BATF3: variants seen among roughly 807,000 people sequenced by gnomAD.
BATF3 encodes basic leucine zipper ATF-like transcription factor 3.
BATF3 carries 8 observed loss-of-function variants against 16.1 expected under a neutral mutation model. That is an observed-to-expected ratio of 0.50 (90% CI 0.29 to 0.90). BATF3 has a LOEUF of 0.90. BATF3 is among the 40% of genes least tolerant of loss of function. The pLI is 0.08. For missense variants in BATF3, 139 were observed against 167.0 expected, an observed-to-expected ratio of 0.83 and a Z score of 0.92; for synonymous variants, 74 against 72.7, an observed-to-expected ratio of 1.02 and a Z score of -0.09.
At chr1:212,690,249 C>G (rs1298014063) in intron 2 of BATF3, among the ~76,000 whole-genome samples, 1 of 152,218 alleles carries the variant, frequency 6.6e-6, no homozygotes, top group East Asian at 1.9e-4. Context: ...ATACTGAATT[C>G]CGCAGCAAGA....
At chr1:212,697,163 T>C (rs776658626) in intron 1 of BATF3, 98 bp from the exon 2 acceptor site, 32 of 976,962 alleles carry the variant, frequency 3.3e-5, no homozygotes, top group Non-Finnish European at 5.1e-5. Context: ...AGCTTCATCA[T>C]TTGCTTTGCA....
intron 2 of BATF3, among the ~76,000 whole-genome samples, chr1:212,688,425 C>A (rs1377979662): frequency 6.6e-6 from 1 of 152,246 alleles, no homozygotes; most frequent in African/African-American, 2.4e-5. Context: ...TCTGAGCCTG[C>A]AGAGAAATGC....
chr1:212,690,824 G>C (rs1361826202), intron 2 of BATF3, among the ~76,000 whole-genome samples: 2 of 152,194 alleles, frequency 1.3e-5, no homozygotes, highest in Non-Finnish European at 2.9e-5. Context: ...AATTAGAGGT[G>C]GTGAAATCAC....
rs1241555054 is a variant in BATF3, at chr1:212,693,995, C to G, written c.195+2966G>C. ...AGATGGGGAGACTATCCTGGATTAT[C>G]CAGGCAGACCCAACGCAATCATAAG... On this transcript the variant is annotated intron_variant, in intron 2 of 2. Transcript: ENST00000243440. Among the ~76,000 whole-genome samples the G allele has an allele frequency of 2.0e-5, 3 of 152,114 alleles. No homozygotes were observed. In the East Asian group the frequency reaches 5.8e-4, roughly 29 times the overall value.
chr1:212,699,698 T>A lies in BATF3; in HGVS notation c.65A>T (p.Gln22Leu), dbSNP rs555398319. Residue 22 changes from glutamine to leucine, a missense_variant, in exon 1 of 3, where the codon CAG becomes CTG. Transcript: ENST00000243440. The surrounding 1 kb of genome is among the most constrained non-coding windows in gnomAD (Gnocchi z 4.4). ...CTGCTGCTGCGGCTGCGGCTGCGGC[T>A]GGTTCCCGGGCGCCGCGACGCTCCT... ...LQRSVAAPGN[Q>L]PQPQPQQQSP... 1.3e-4 allele frequency: 179 copies of A among 1,350,110 alleles called. 2 individuals carry two copies. In the South Asian group the frequency reaches 2.0e-3, roughly 15 times the overall value. The allele number at this position is 1,350,110 out of a possible 1,614,324, so 83.6% of individuals were successfully genotyped here. A position where few individuals can be genotyped will look rare whatever the true frequency, so the allele number is the denominator to read the frequency against.
chr1:212,699,837 T>C lies in BATF3; in HGVS notation c.-75A>G, dbSNP rs1298914726. 1 of 910,962 alleles carries C rather than the reference T, an allele frequency of 1.1e-6. No individual in the cohort carries two copies. Among genetic ancestry groups the C allele is most frequent in the Admixed American group, 6.2e-5 (1 of 16,096 alleles). 56.4% of individuals were successfully genotyped at this position (910,962 alleles called of 1,614,324 possible). ...CCCGTGGGGCTGCCTACGGGCGCTG[T>C]CCCGCCGCCGGCATCCTCGTGCCGC... On this transcript the variant is annotated 5_prime_UTR_variant, in exon 1 of 3. Transcript: ENST00000243440. This position sits in a 1 kb window ranked among gnomAD's most constrained non-coding sequence, Gnocchi z 4.4.
Position 212,699,520 on chromosome 1 carries a change from C to T in BATF3, c.90+153G>A, listed in dbSNP as rs1310070593. ...CTGGATCGCCCCCATTCCCCAACAT[C>T]CCTACGCCCCTACCTCTGCTTGTCT... On this transcript the variant is annotated intron_variant, in intron 1 of 2. Coordinates refer to ENST00000243440, the MANE Select transcript of BATF3 (RefSeq NM_018664.3). The surrounding 1 kb of genome is among the most constrained non-coding windows in gnomAD (Gnocchi z 4.4). Among the ~76,000 whole-genome samples, 1 of 152,040 alleles carries T rather than the reference C, an allele frequency of 6.6e-6. No individual in the cohort carries two copies. Among genetic ancestry groups the T allele is most frequent in the East Asian group, 1.9e-4 (1 of 5,164 alleles).
rs573587716 is a variant in BATF3 at position 212,689,496 on chromosome 1, C to T, written c.196-2517G>A. On this transcript the variant is annotated intron_variant, in intron 2 of 2. Coordinates refer to ENST00000243440, the MANE Select transcript of BATF3 (RefSeq NM_018664.3). The surrounding 1 kb of genome is among the most constrained non-coding windows in gnomAD (Gnocchi z 4.6). The stretch of plus-strand genomic sequence containing the variant: ...TCTGCCTCTATCCTCCTCCCTGCCT[C>T]CCACTCCCAAGCCTTCATGCCCTCC... 4.6e-5 allele frequency among the ~76,000 whole-genome samples: 7 copies of T among 152,320 alleles called. No individual in the cohort carries two copies. The South Asian group carries it at 1.5e-3, about 32-fold the overall frequency.
rs907278278 is a variant in BATF3 at position 212,694,667 on chromosome 1, G to A, written c.195+2294C>T. Among the ~76,000 whole-genome samples the A allele has an allele frequency of 2.6e-5, 4 of 152,200 alleles. No homozygotes were observed. In the South Asian group the frequency reaches 6.2e-4, roughly 24 times the overall value. On this transcript the variant is annotated intron_variant, in intron 2 of 2. Coordinates refer to ENST00000243440, the MANE Select transcript of BATF3 (RefSeq NM_018664.3). ...GAATACAGGGCCATGCACTAACTGG[G>A]AGCCACAGGTCCCCTCTGGGGGCTA...
rs1348780401 is a variant in BATF3, at chr1:212,689,235, C to A, written c.196-2256G>T. ...GCCTGATGCGCCACAGCACCAGCAC[C>A]TACATGCTCAGTGATTCCTCAGCCC... On this transcript the variant is annotated intron_variant, in intron 2 of 2. Coordinates refer to ENST00000243440, the MANE Select transcript of BATF3 (RefSeq NM_018664.3). The surrounding 1 kb of genome is among the most constrained non-coding windows in gnomAD (Gnocchi z 4.6). 6.6e-6 allele frequency among the ~76,000 whole-genome samples: 1 copy of A among 152,212 alleles called. No individual in the cohort carries two copies. The highest frequency in any genetic ancestry group is 6.5e-5 in the Admixed American group (1 of 15,288).
intron 1 of BATF3, chr1:212,698,255 T>C (rs1470515344): frequency 1.3e-5 from 2 of 152,266 alleles, no homozygotes; most frequent in African/African-American, 2.4e-5. Flanking sequence ...GACAGCTCTT[T>C]AGCTTTAGAA....
At chr1:212,691,839 C>A (rs1364066854) in intron 2 of BATF3, among the ~76,000 whole-genome samples, 1 of 152,232 alleles carries the variant, frequency 6.6e-6, no homozygotes, top group Non-Finnish European at 1.5e-5. Context: ...TGAGACGAGA[C>A]CCTGACTGTT....
chr1:212,694,913 T>C (rs1043288497), intron 2 of BATF3, among the ~76,000 whole-genome samples: 5 of 152,230 alleles, frequency 3.3e-5, no homozygotes, highest in African/African-American at 1.2e-4. Context: ...ACACTGTGAA[T>C]TTATATCGGA....
rs369388210 is a variant in BATF3 at position 212,699,091 on chromosome 1, G to C, written c.90+582C>G. On this transcript the variant is annotated intron_variant, in intron 1 of 2. Coordinates refer to ENST00000243440, the MANE Select transcript of BATF3 (RefSeq NM_018664.3). This position sits in a 1 kb window ranked among gnomAD's most constrained non-coding sequence, Gnocchi z 4.4. ...GCAAAGTTTCCAGACGGCCGTCCCT[G>C]TGGCCAACCTGGTCTCCTTCCTGAC... Among the ~76,000 whole-genome samples, 2 of 152,378 alleles carry C rather than the reference G, an allele frequency of 1.3e-5. No homozygotes were observed. The highest frequency in any genetic ancestry group is 4.1e-4 in the South Asian group (2 of 4,832).
intron 2 of BATF3, among the ~76,000 whole-genome samples, chr1:212,696,081 A>G (rs915470882): frequency 6.6e-6 from 1 of 152,108 alleles, no homozygotes. Context: ...TGCCTGGAGT[A>G]ATCAATGTTG....
intron 1 of BATF3, chr1:212,697,891 C>G (rs1315024193): frequency 6.6e-6 from 1 of 152,120 alleles, no homozygotes; most frequent in African/African-American, 2.4e-5. Context: ...AAGACACCAC[C>G]AAGCGGGAAA....
intron 2 of BATF3, among the ~76,000 whole-genome samples, chr1:212,688,866 T>G (rs1413135389): frequency 6.6e-6 from 1 of 152,216 alleles, no homozygotes; most frequent in Non-Finnish European, 1.5e-5. Flanking sequence ...ATTGCGTTAC[T>G]CATCACACTT....
chr1:212,687,996 A>AAAGAAAGGAAGG lies in BATF3; in HGVS notation c.196-1018_196-1017insCCTTCCTTTCTT, dbSNP rs1274002817. On this transcript the variant is annotated intron_variant, in intron 2 of 2. Coordinates refer to ENST00000243440, the MANE Select transcript of BATF3 (RefSeq NM_018664.3). The stretch of plus-strand genomic sequence containing the variant: ...GAAAGAAAGAAAGAAAGAAAGAAAG[A>AAAGAAAGGAAGG]AAGGAAGGAAGGAAGGAAGGAAGGA... 4.2e-4 allele frequency among the ~76,000 whole-genome samples: 43 copies of AAAGAAAGGAAGG among 101,332 alleles called. 1 individual carries two copies. The East Asian group carries it at 8.0e-3, about 19-fold the overall frequency. 66.5% of individuals were successfully genotyped at this position (101,332 alleles called of 152,430 possible).
Position 212,695,387 on chromosome 1 carries a change from G to T in BATF3, c.195+1574C>A, listed in dbSNP as rs571295346. ...CGGGCGCCTGTAGTTCCAGCTACTC[G>T]GGAGGCTAAGGCAGGAGAATCGCTA... On this transcript the variant is annotated intron_variant, in intron 2 of 2. Coordinates refer to ENST00000243440, the MANE Select transcript of BATF3 (RefSeq NM_018664.3). Among the ~76,000 whole-genome samples the T allele has an allele frequency of 2.0e-5, 3 of 148,772 alleles. No homozygotes were observed. In the South Asian group the frequency reaches 6.5e-4, roughly 32 times the overall value.
Sources: gnomAD v4.1 joint callset for allele counts (sites outside exome capture counted in the v4.1 genomes callset) on GRCh38, gnomAD v4.1.1 for gene constraint, Gnocchi (gnomAD v3.1) non-coding constraint, MANE v1.5 for transcripts, NCBI Gene and HGNC (gene_info 2026-07-23, HGNC 2026-07-21) for gene names.